PLS3: variants seen among roughly 807,000 people sequenced by gnomAD.
PLS3 encodes the protein plastin 3, also known as plastin-3.
PLS3 carries 11 observed loss-of-function variants against 46.5 expected under a neutral mutation model. The observed-to-expected ratio is 0.24, with a 90% CI of 0.15 to 0.39. The LOEUF (loss-of-function observed/expected upper bound fraction) is 0.39, where lower values mean the gene tolerates loss of function less well. PLS3 is among the 10% of genes least tolerant of loss of function. The probability of loss-of-function intolerance (pLI) is 1.00; values close to 1 mark genes in which losing one functional copy is unlikely to be tolerated. For missense variants in PLS3, 308 were observed against 461.8 expected (o/e 0.67, Z 3.05); for synonymous variants, 167 against 162.2 (o/e 1.03, Z -0.22).
intron 1 of PLS3, among the ~76,000 whole-genome samples, chrX:115,568,317 C>T (rs1489849469): frequency 1.8e-5 from 2 of 111,801 alleles, no homozygotes; most frequent in Admixed American, 1.9e-4. Context: ...TTTTCAATCA[C>T]TTTGCTTTGG....
At chrX:115,638,936 G>A (rs1424660927) in intron 8 of PLS3, among the ~76,000 whole-genome samples, 6 of 109,205 alleles carry the variant, frequency 5.5e-5, no homozygotes, top group Non-Finnish European at 1.1e-4. Context: ...GGATGGTCTC[G>A]ATCTCCTGAC....
At chrX:115,637,003 T>A in intron 8 of PLS3, 25 bp downstream of exon 8, 1 of 1,182,945 alleles carries the variant, frequency 8.5e-7, no homozygotes, top group Non-Finnish European at 1.1e-6. Context: ...AATCACAACA[T>A]TTTGGGGGGA....
chrX:115,614,672 C>A, intron 2 of PLS3: 1 of 375,189 alleles, frequency 2.7e-6, no homozygotes, highest in Non-Finnish European at 3.4e-6. Flanking sequence ...AGTTTAAATT[C>A]TTCTGCCCAA....
intron 1 of PLS3, among the ~76,000 whole-genome samples, chrX:115,590,156 C>G (rs910398298): frequency 9.0e-6 from 1 of 111,504 alleles, no homozygotes; most frequent in Non-Finnish European, 1.9e-5. Flanking sequence ...GCGCCCAGCC[C>G]GGCCTGAACT....
chrX:115,645,760 C>A (rs781870973), intron 11 of PLS3, among the ~76,000 whole-genome samples: 12 of 111,386 alleles, frequency 1.1e-4, no homozygotes, highest in African/African-American at 3.3e-4. Flanking sequence ...AACCAATACC[C>A]CCCGTATTGT....
intron 1 of PLS3, among the ~76,000 whole-genome samples, chrX:115,570,984 C>T (rs1394014157): frequency 9.5e-6 from 1 of 105,520 alleles, no homozygotes; most frequent in Non-Finnish European, 1.9e-5. Context: ...CAACCTCCGC[C>T]TCCGGGTTCA....
At chrX:115,615,587 A>T (rs191833584) in intron 2 of PLS3, among the ~76,000 whole-genome samples, 1 of 108,965 alleles carries the variant, frequency 9.2e-6, no homozygotes, top group Non-Finnish European at 1.9e-5. Context: ...TCAGTGGCCA[A>T]TATGAAAAAT....
chrX:115,586,587 G>A (rs1355285848), intron 1 of PLS3, among the ~76,000 whole-genome samples: 4 of 105,809 alleles, frequency 3.8e-5, no homozygotes, highest in African/African-American at 1.0e-4. Context: ...GCTGAGGCAG[G>A]AGAATCGCTT....
In PLS3 at chrX:115,587,461, C is replaced by T. The variant is rs373584999; in HGVS notation, c.-8-22782C>T. 5.2e-3 allele frequency among the ~76,000 whole-genome samples: 584 copies of T among 112,073 alleles called. 2 individuals are homozygous for T. The highest frequency in any genetic ancestry group is 0.018 in the African/African-American group (552 of 30,928). On this transcript the variant is annotated intron_variant, in intron 1 of 15. Transcript: ENST00000355899. Reference sequence around the variant, plus strand: ...TTTAAAAATAGAAAACCAGGCCGGGCGCGGTGGCTCACGCCTGTAATCCCA... The same window carrying T: ...TTTAAAAATAGAAAACCAGGCCGGGTGCGGTGGCTCACGCCTGTAATCCCA...
At chrX:115,586,259 A>G (rs1556632434) in intron 1 of PLS3, among the ~76,000 whole-genome samples, 1 of 108,652 alleles carries the variant, frequency 9.2e-6, no homozygotes, top group Non-Finnish European at 1.9e-5. Flanking sequence ...TGCTGAGATT[A>G]CAGGCGTGAG....
intron 8 of PLS3, chrX:115,639,885 A>G (rs782565095): frequency 9.1e-6 from 4 of 438,740 alleles, no homozygotes; most frequent in Non-Finnish European, 1.2e-5. Context: ...CATTCAGATC[A>G]TAGAGGGTTC....
At position 115,649,131 on chromosome X, in the gene PLS3, C is replaced by T. The variant is rs113899749; in HGVS notation, c.1761-298C>T. On this transcript the variant is annotated intron_variant, in intron 15 of 15. Coordinates refer to ENST00000355899, the MANE Select transcript of PLS3 (RefSeq NM_005032.7). ...TATTAACATGGATTGTATAGACAGC[C>T]TAGGTAATTATATATATAAAGTTGG... 0.022 allele frequency among the ~76,000 whole-genome samples: 2,470 copies of T among 111,374 alleles called. 62 individuals carry two copies. Among genetic ancestry groups the T allele is most frequent in the African/African-American group, 0.076 (2,322 of 30,626 alleles).
At chrX:115,616,037 T>C (rs114381259) in intron 2 of PLS3, among the ~76,000 whole-genome samples, 1 of 111,888 alleles carries the variant, frequency 8.9e-6, no homozygotes, top group Non-Finnish European at 1.9e-5. Context: ...CTGCCATCAT[T>C]CCTGGTGGTT....
intron 1 of PLS3, among the ~76,000 whole-genome samples, chrX:115,585,384 CT>C (rs1230366749): frequency 9.1e-5 from 10 of 109,866 alleles, no homozygotes; most frequent in East Asian, 8.6e-4. Context: ...TTTAAAAAGT[CT>C]TTTTTTTTGT....
chrX:115,584,678 G>A lies in PLS3; in HGVS notation c.-9+23418G>A, dbSNP rs1007954128. ...GGCTTAATTTGTATTGGGGGAGGTG[G>A]TGAAAGGACCTAGTAGCCCTGGAAT... On this transcript the variant is annotated intron_variant, in intron 1 of 15. Transcript: ENST00000355899. Among the ~76,000 whole-genome samples the A allele has an allele frequency of 5.4e-5, 6 of 112,086 alleles. No individual in the cohort carries two copies. The East Asian group carries it at 1.7e-3, about 31-fold the overall frequency.
chrX:115,640,057 C>T, intron 8 of PLS3: 3 of 947,128 alleles, frequency 3.2e-6, no homozygotes, highest in Non-Finnish European at 4.4e-6. Context: ...TTCTTCTATG[C>T]TTCCTGGATT....
chrX:115,629,140 G>A, intron 3 of PLS3, 58 bp from the exon 4 acceptor site: 1 of 793,509 alleles, frequency 1.3e-6, no homozygotes, highest in Non-Finnish European at 1.9e-6. Flanking sequence ...ATATAAATAT[G>A]CTTATTGTGC....
At chrX:115,624,020 A>G (rs2074683666) in intron 3 of PLS3, among the ~76,000 whole-genome samples, 1 of 111,301 alleles carries the variant, frequency 9.0e-6, no homozygotes, top group Non-Finnish European at 1.9e-5. Context: ...ACGAGCTCAG[A>G]AGATCGAGGG....
intron 2 of PLS3, among the ~76,000 whole-genome samples, chrX:115,615,860 T>C (rs2074594448): frequency 9.0e-6 from 1 of 111,642 alleles, no homozygotes; most frequent in South Asian, 3.8e-4. Context: ...AGTATGGTAA[T>C]TTATGTCTGC....
Sources: allele counts gnomAD v4.1 joint callset (sites outside exome capture counted in the v4.1 genomes callset), GRCh38; gene constraint gnomAD v4.1.1; transcripts MANE v1.5; gene names NCBI Gene and HGNC (gene_info 2026-07-23, HGNC 2026-07-21).